ZEB2: variants seen among roughly 807,000 people sequenced by gnomAD.
ZEB2 encodes zinc finger E-box binding homeobox 2, also known as zinc finger E-box-binding homeobox 2.
Under a neutral mutation model 99.9 loss-of-function variants are expected in ZEB2, and 6 were observed. The ratio of observed to expected loss-of-function variants is 0.06; its 90% CI spans 0.03 to 0.12. The LOEUF is 0.12. Ranked by LOEUF, ZEB2 falls within the 10% of genes least tolerant of loss-of-function variation. ZEB2 has a pLI of 1.00. For synonymous variants in ZEB2, 517 were observed against 542.5 expected (o/e 0.95, Z 0.65); for missense variants, 969 against 1,502.8 (o/e 0.64, Z 5.87).
intron 1 of ZEB2, chr2:144,519,220 A>T (rs1705223707): frequency 6.6e-6 from 1 of 151,914 alleles, no homozygotes; most frequent in African/African-American, 2.4e-5. Flanking sequence ...TCCTGACAGC[A>T]GTTTTCTTCC....
intron 2 of ZEB2, chr2:144,464,027 G>A (rs1232497772): frequency 6.6e-6 from 1 of 152,168 alleles, no homozygotes; most frequent in Non-Finnish European, 1.5e-5. Context: ...AGGTAATATG[G>A]AGCTAATATG....
intron 2 of ZEB2, among the ~76,000 whole-genome samples, chr2:144,437,910 A>G (rs1481294820): frequency 6.6e-6 from 1 of 152,068 alleles, no homozygotes; most frequent in Non-Finnish European, 1.5e-5. Context: ...AACTATAAAA[A>G]TTTTCTCTGA....
intron 2 of ZEB2, among the ~76,000 whole-genome samples, chr2:144,498,976 C>T (rs895846755): frequency 6.6e-6 from 1 of 152,096 alleles, no homozygotes; most frequent in Non-Finnish European, 1.5e-5. Context: ...TCACCTTTCT[C>T]CCGAAAATGT....
At position 144,400,252 on chromosome 2, in the gene ZEB2, C is replaced by T. The variant is rs757310278; in HGVS notation, c.935G>A (p.Cys312Tyr). 6.2e-7 allele frequency: 1 copy of T among 1,610,736 alleles called. No individual in the cohort carries two copies. The highest frequency in any genetic ancestry group is 8.5e-7 in the Non-Finnish European group (1 of 1,179,962). The change falls in exon 8 of 10, where the codon TGC (cysteine) becomes TAC (tyrosine). Residue 312 changes from cysteine to tyrosine, a missense_variant. By Grantham distance (194) the Cys-to-Tyr change is radical. Transcript: ENST00000627532. ...GGAGAAACGTTTCTTGCAGTTTGGG[C>T]ACTCGTAAGGTTTTTCACCTAAAAT... ...RIHSGEKPYE[C>Y]PNCKKRFSHS...
At chr2:144,465,970 A>G (rs1323470755) in intron 2 of ZEB2, among the ~76,000 whole-genome samples, 1 of 152,162 alleles carries the variant, frequency 6.6e-6, no homozygotes, top group Non-Finnish European at 1.5e-5. Flanking sequence ...AGAAACTGAC[A>G]GCACTAACTC....
chr2:144,507,393 T>C (rs1704965257), intron 2 of ZEB2: 1 of 152,224 alleles, frequency 6.6e-6, no homozygotes, highest in African/African-American at 2.4e-5. Flanking sequence ...ATATGCACAC[T>C]AACAGCTCCG....
chr2:144,396,615 A>G, intron 8 of ZEB2, 23 bp from the exon 9 acceptor site: 1 of 1,609,992 alleles, frequency 6.2e-7, no homozygotes, highest in South Asian at 1.1e-5. Context: ...CACACAGTTC[A>G]ATACAGTGGC....
chr2:144,517,974 T>C (rs1186524347), intron 1 of ZEB2: 2 of 340,998 alleles, frequency 5.9e-6, no homozygotes, highest in Non-Finnish European at 1.1e-5. Flanking sequence ...TTGGAGTTTA[T>C]CGAGGCACTG....
At chr2:144,417,711 G>T (rs1296865868) in intron 4 of ZEB2, among the ~76,000 whole-genome samples, 1 of 152,164 alleles carries the variant, frequency 6.6e-6, no homozygotes, top group African/African-American at 2.4e-5. Flanking sequence ...AACAATGAGA[G>T]ATTTCTCAAT....
chr2:144,492,787 G>C (rs773146044), intron 2 of ZEB2, among the ~76,000 whole-genome samples: 2 of 152,212 alleles, frequency 1.3e-5, no homozygotes, highest in Non-Finnish European at 1.5e-5. Context: ...TTATTAATAT[G>C]GTGGTAGGGA....
At chr2:144,403,423 CACTT>C (rs1422849188) in intron 6 of ZEB2, among the ~76,000 whole-genome samples, 3 of 151,866 alleles carry the variant, frequency 2.0e-5, no homozygotes, top group Admixed American at 1.3e-4. Context: ...TTCCTTAAAA[CACTT>C]AATCAGATTT....
intron 2 of ZEB2, chr2:144,513,847 G>T: frequency 6.5e-7 from 1 of 1,534,102 alleles, no homozygotes; most frequent in Non-Finnish European, 8.7e-7. Flanking sequence ...AGGGGGGCTG[G>T]GTTTTCCCCC....
intron 2 of ZEB2, among the ~76,000 whole-genome samples, chr2:144,458,896 GA>G (rs1704156353): frequency 6.6e-6 from 1 of 152,150 alleles, no homozygotes; most frequent in South Asian, 2.1e-4. Flanking sequence ...CAAGAATAAA[GA>G]ATTGATAAAA....
chr2:144,420,650 G>A (rs893683703), intron 4 of ZEB2, among the ~76,000 whole-genome samples: 10 of 152,138 alleles, frequency 6.6e-5, no homozygotes, highest in East Asian at 3.9e-4. Context: ...GATTGCTGTC[G>A]TTTGGGGTGT....
chr2:144,518,810 G>T (rs1310347143), intron 1 of ZEB2: 7 of 152,296 alleles, frequency 4.6e-5, no homozygotes, highest in African/African-American at 1.4e-4. Flanking sequence ...CAGCTGGCCT[G>T]TCTATATTCA....
At chr2:144,404,175 A>G in intron 5 of ZEB2, 45 bp from the exon 6 acceptor site, 4 of 1,606,302 alleles carry the variant, frequency 2.5e-6, no homozygotes, top group Non-Finnish European at 3.4e-6. Context: ...CCAAAAGGTC[A>G]GTAAATCAAT....
chr2:144,464,360 T>C (rs1704241976), intron 2 of ZEB2: 1 of 152,172 alleles, frequency 6.6e-6, no homozygotes, highest in African/African-American at 2.4e-5. Context: ...TATTAAATAA[T>C]CAAGTCAACA....
At chr2:144,449,662 A>G (rs6756827) in intron 2 of ZEB2, 146,996 of 152,378 alleles carry the variant, frequency 0.96, 71,149 homozygotes, top group East Asian at 1. Context: ...TTGACTCAGA[A>G]TTGGTGGCTG....
Position 144,424,736 on chromosome 2 carries a change from C to A in ZEB2, c.403+60G>T, listed in dbSNP as rs373648777. 1.5e-5 allele frequency: 23 copies of A among 1,585,918 alleles called. No individual in the cohort carries two copies. The African/African-American group carries it at 3.0e-4, about 20-fold the overall frequency. ...GGATGTGTCACTGTTTCCTTCCCTG[C>A]CTCACTAAACCCACATGACACAGGA... On this transcript the variant is annotated intron_variant, in intron 4 of 9. Coordinates refer to ENST00000627532, the MANE Select transcript of ZEB2 (RefSeq NM_014795.4).
Sources: gnomAD v4.1 joint callset for allele counts (sites outside exome capture counted in the v4.1 genomes callset) on GRCh38, gnomAD v4.1.1 for gene constraint, MANE v1.5 for transcripts, NCBI Gene and HGNC (gene_info 2026-07-23, HGNC 2026-07-21) for gene names.